TENM1: variants seen among roughly 807,000 people sequenced by gnomAD.
TENM1 encodes teneurin-1.
TENM1 carries 35 observed loss-of-function variants against 174.8 expected under a neutral mutation model. The ratio of observed to expected loss-of-function variants is 0.20; its 90% CI spans 0.15 to 0.27. The LOEUF is 0.27. Among genes scored for constraint, TENM1 ranks in the 10% least tolerant of loss-of-function variants. The pLI is 1.00. For synonymous variants in TENM1, 781 were observed against 798.7 expected (o/e 0.98, Z 0.37); for missense variants, 1,633 against 2,130.1 (o/e 0.77, Z 4.59).
the TENM1 span, among the ~76,000 whole-genome samples, chrX:125,050,544 C>T: frequency 8.9e-6 from 1 of 111,995 alleles, no homozygotes; most frequent in South Asian, 3.7e-4. Context: ...GCCACATTTT[C>T]TTAACCCAGT....
At chrX:125,126,545 G>A in the TENM1 span, among the ~76,000 whole-genome samples, 2 of 111,042 alleles carry the variant, frequency 1.8e-5, no homozygotes, top group Non-Finnish European at 3.8e-5. Context: ...ACCAAGGGGG[G>A]AACATTAATA....
the TENM1 span, among the ~76,000 whole-genome samples, chrX:125,060,493 C>T: frequency 1.8e-4 from 20 of 110,016 alleles, no homozygotes; most frequent in Non-Finnish European, 2.8e-4. Flanking sequence ...TCTGTGGTCA[C>T]GACACTTGAG....
At chrX:124,463,200 T>C (rs1033071429) in intron 22 of TENM1, among the ~76,000 whole-genome samples, 5 of 111,976 alleles carry the variant, frequency 4.5e-5, no homozygotes, top group African/African-American at 1.6e-4. Flanking sequence ...AGGATTTTTT[T>C]TCAGGCTGAT....
intron 1 of TENM1, among the ~76,000 whole-genome samples, chrX:124,951,640 AT>A: frequency 6.2e-5 from 1 of 16,176 alleles, no homozygotes; most frequent in Admixed American, 7.0e-4. Flanking sequence ...AAAAGTTAAA[AT>A]ATATATATAT....
At chrX:125,005,189 T>C in the TENM1 span, among the ~76,000 whole-genome samples, 10 of 88,786 alleles carry the variant, frequency 1.1e-4, no homozygotes, top group Admixed American at 5.2e-4. Context: ...GATGTATACA[T>C]ACACACACAC....
the TENM1 span, among the ~76,000 whole-genome samples, chrX:125,040,442 G>A: frequency 9.0e-6 from 1 of 110,874 alleles, no homozygotes; most frequent in African/African-American, 3.3e-5. Flanking sequence ...GAAACTCTAT[G>A]GAAGTTTGGA....
chrX:124,909,595 C>A (rs1435000500), intron 1 of TENM1, among the ~76,000 whole-genome samples: 2 of 111,848 alleles, frequency 1.8e-5, no homozygotes, highest in Non-Finnish European at 3.8e-5. Context: ...AAGTATTATT[C>A]CACTCTGTAC....
At chrX:124,692,273 G>A (rs910552588) in intron 5 of TENM1, among the ~76,000 whole-genome samples, 2 of 110,839 alleles carry the variant, frequency 1.8e-5, no homozygotes, top group Admixed American at 9.6e-5. Flanking sequence ...AAGAGACACC[G>A]GGACCAACTT....
At chrX:124,421,268 C>T (rs1184168674) in intron 24 of TENM1, among the ~76,000 whole-genome samples, 1 of 112,142 alleles carries the variant, frequency 8.9e-6, no homozygotes, top group African/African-American at 3.2e-5. Flanking sequence ...TACACTAAGT[C>T]TATAAGTACA....
Position 124,805,622 on chromosome X carries a change from T to C in TENM1, c.536-68425A>G, listed in dbSNP as rs149062806. ...ACAGTGGCCGTGGGCCCTGGATAAA[T>C]GTCAGTGGCAAGCAGGCCTCAGCAA... On this transcript the variant is annotated intron_variant, in intron 3 of 31. Transcript: ENST00000422452. Among the ~76,000 whole-genome samples, 924 of 112,330 alleles carry C rather than the reference T, an allele frequency of 8.2e-3. 12 individuals are homozygous for C. Among genetic ancestry groups the C allele is most frequent in the African/African-American group, 0.028 (854 of 30,902 alleles).
At chrX:124,866,318 C>T (rs778421660) in intron 3 of TENM1, among the ~76,000 whole-genome samples, 2 of 111,765 alleles carry the variant, frequency 1.8e-5, no homozygotes, top group African/African-American at 3.2e-5. Context: ...ATCTTCTCTA[C>T]CACAATGGGA....
At chrX:124,858,066 T>A (rs189359462) in intron 3 of TENM1, among the ~76,000 whole-genome samples, 37 of 111,919 alleles carry the variant, frequency 3.3e-4, no homozygotes, top group Admixed American at 1.6e-3. Flanking sequence ...TAATTATCTA[T>A]TTATATGTCT....
intron 16 of TENM1, 54 bp downstream of exon 19, chrX:124,529,810 T>G: frequency 1.7e-6 from 2 of 1,205,642 alleles, no homozygotes. Context: ...GTTTTACCCC[T>G]GGCTAGAAGT....
At chrX:125,063,269 T>G in the TENM1 span, among the ~76,000 whole-genome samples, 2 of 111,771 alleles carry the variant, frequency 1.8e-5, no homozygotes, top group Non-Finnish European at 3.8e-5. Flanking sequence ...AGAAACTACG[T>G]ATGGACTTCA....
At chrX:124,534,319 C>T (rs2048165266) in intron 15 of TENM1, among the ~76,000 whole-genome samples, 1 of 111,632 alleles carries the variant, frequency 9.0e-6, no homozygotes, top group African/African-American at 3.3e-5. Context: ...TTGTTATTTT[C>T]ATGGAATAGT....
At chrX:124,833,248 C>G (rs2056326417) in intron 3 of TENM1, among the ~76,000 whole-genome samples, 1 of 111,818 alleles carries the variant, frequency 8.9e-6, no homozygotes, top group Admixed American at 9.5e-5. Context: ...ATCCCTCTAG[C>G]TCTGTAGAAG....
At chrX:125,152,053 T>A in the TENM1 span, among the ~76,000 whole-genome samples, 2 of 110,931 alleles carry the variant, frequency 1.8e-5, no homozygotes, top group Admixed American at 1.9e-4. Context: ...GCCAGGAGTT[T>A]GAGACCAGCC....
intron 3 of TENM1, among the ~76,000 whole-genome samples, chrX:124,752,394 C>G (rs1206493909): frequency 9.0e-6 from 1 of 111,193 alleles, no homozygotes; most frequent in African/African-American, 3.3e-5. Context: ...GTGTATTAGC[C>G]CTTTGTCAGA....
rs765223102 is a variant in TENM1, at chrX:124,467,151, T to C, written c.3950-13660A>G. The stretch of plus-strand genomic sequence containing the variant: ...GCAGTCTAATAAGCTTTTTGAAAAT[T>C]GTGTTGCCCCTAAACACAGTCTAAT... On this transcript the variant is annotated intron_variant, in intron 22 of 31. Coordinates refer to ENST00000422452, the Ensembl canonical transcript of TENM1. 1.0e-3 allele frequency among the ~76,000 whole-genome samples: 113 copies of C among 111,790 alleles called. 1 individual carries two copies. Among genetic ancestry groups the C allele is most frequent in the Non-Finnish European group, 1.2e-3 (65 of 53,226 alleles).
Sources: allele counts gnomAD v4.1 joint callset (sites outside exome capture counted in the v4.1 genomes callset), GRCh38; gene constraint gnomAD v4.1.1; transcripts MANE v1.5; gene names NCBI Gene and HGNC (gene_info 2026-07-23, HGNC 2026-07-21).